The following ESRRG variants were observed in gnomAD, a reference collection of about 807,000 sequenced individuals.
ESRRG encodes the protein estrogen related receptor gamma.
In ESRRG, 13 loss-of-function variants were observed where a neutral mutation model predicts 44.0. The observed-to-expected ratio is 0.30, with a 90% CI of 0.19 to 0.47. The LOEUF (loss-of-function observed/expected upper bound fraction) is 0.47, where lower values mean the gene tolerates loss of function less well. Ranked by LOEUF, ESRRG falls within the 20% of genes least tolerant of loss-of-function variation. The pLI, the probability that ESRRG is intolerant of heterozygous loss-of-function variation, is 1.00. For missense variants in ESRRG, 395 were observed against 580.6 expected, an observed-to-expected ratio of 0.68 and a Z score of 3.29; for synonymous variants, 215 against 214.6, an observed-to-expected ratio of 1.00 and a Z score of -0.02.
chr1:216,615,194 G>A (rs2061250223), intron 3 of ESRRG, among the ~76,000 whole-genome samples: 2 of 152,162 alleles, frequency 1.3e-5, no homozygotes, highest in Non-Finnish European at 2.9e-5. Context: ...TGACTGAGGA[G>A]CTTTTTCAAA....
At chr1:216,861,827 G>A (rs1340340437) in intron 2 of ESRRG, among the ~76,000 whole-genome samples, 1 of 151,798 alleles carries the variant, frequency 6.6e-6, no homozygotes, top group Non-Finnish European at 1.5e-5. Context: ...AATACAGAAG[G>A]AACTATCAAA....
chr1:217,087,896 C>A (rs1023270848), intron 1 of ESRRG, among the ~76,000 whole-genome samples: 1 of 152,154 alleles, frequency 6.6e-6, no homozygotes. Flanking sequence ...AATGTCACTT[C>A]GTCTCCATCA....
At chr1:217,134,533 C>T (rs938435850) in intron 1 of ESRRG, among the ~76,000 whole-genome samples, 4 of 152,188 alleles carry the variant, frequency 2.6e-5, no homozygotes, top group Admixed American at 2.0e-4. Flanking sequence ...ATCCAAGACC[C>T]GAGGTTATTT....
chr1:216,759,797 T>C (rs2092670467), intron 2 of ESRRG, among the ~76,000 whole-genome samples: 1 of 152,128 alleles, frequency 6.6e-6, no homozygotes, highest in Non-Finnish European at 1.5e-5. Flanking sequence ...TCATACCTCA[T>C]TCATATCTCT....
chr1:216,587,386 T>C (rs1395520899), intron 3 of ESRRG, among the ~76,000 whole-genome samples: 1 of 152,162 alleles, frequency 6.6e-6, no homozygotes, highest in African/African-American at 2.4e-5. Flanking sequence ...AAAGAGTTAA[T>C]GAATTACAGA....
chr1:217,050,372 G>T (rs2085699169), intron 1 of ESRRG, among the ~76,000 whole-genome samples: 1 of 152,144 alleles, frequency 6.6e-6, no homozygotes, highest in Non-Finnish European at 1.5e-5. Flanking sequence ...TCTATTAGAT[G>T]GGATAGACCA....
upstream of ESRRG, among the ~76,000 whole-genome samples, chr1:217,090,961 A>G (rs1306354612): frequency 6.6e-6 from 1 of 152,208 alleles, no homozygotes; most frequent in Non-Finnish European, 1.5e-5. Context: ...GTGTGGCCAC[A>G]TGGCAGGTAA....
At chr1:216,597,717 A>G (rs1435307394) in intron 3 of ESRRG, among the ~76,000 whole-genome samples, 1 of 152,178 alleles carries the variant, frequency 6.6e-6, no homozygotes. Context: ...CTGAGATACT[A>G]CAAAATGTGA....
chr1:216,660,708 G>T lies in ESRRG; in HGVS notation c.473-9619C>A, dbSNP rs185819455. Among the ~76,000 whole-genome samples the T allele has an allele frequency of 2.0e-5, 3 of 152,308 alleles. No homozygotes were observed. The East Asian group carries it at 5.8e-4, about 29-fold the overall frequency. On this transcript the variant is annotated intron_variant, in intron 2 of 6. Transcript: ENST00000408911. Reference sequence around the variant, plus strand: ...AGGAGCCTGAGAGTGATAGGTTCAGGGTGGATCTTGGCATTGTCTTTTGCT... The same window carrying T: ...AGGAGCCTGAGAGTGATAGGTTCAGTGTGGATCTTGGCATTGTCTTTTGCT...
chr1:217,052,217 G>T (rs2086187251), intron 1 of ESRRG, among the ~76,000 whole-genome samples: 1 of 152,174 alleles, frequency 6.6e-6, no homozygotes, highest in African/African-American at 2.4e-5. Context: ...TTACACCTTG[G>T]ATTTTTAGAC....
intron 2 of ESRRG, among the ~76,000 whole-genome samples, chr1:216,847,891 A>T (rs1324880969): frequency 1.3e-5 from 2 of 152,124 alleles, no homozygotes; most frequent in Non-Finnish European, 2.9e-5. Flanking sequence ...CAGAAGAGGG[A>T]CACTCCATTC....
At chr1:216,758,268 T>C (rs1337740014) in intron 2 of ESRRG, among the ~76,000 whole-genome samples, 2 of 152,084 alleles carry the variant, frequency 1.3e-5, no homozygotes, top group African/African-American at 4.8e-5. Flanking sequence ...TTATCGCAAA[T>C]GAACAATCAT....
intron 2 of ESRRG, among the ~76,000 whole-genome samples, chr1:216,878,902 T>C (rs1398168235): frequency 6.6e-6 from 1 of 152,224 alleles, no homozygotes; most frequent in Non-Finnish European, 1.5e-5. Context: ...CGCATCGTAT[T>C]TATCCTTATA....
intron 1 of ESRRG, among the ~76,000 whole-genome samples, chr1:217,006,484 G>T (rs111979160): frequency 1.3e-5 from 2 of 152,180 alleles, no homozygotes; most frequent in Admixed American, 6.5e-5. Context: ...CTACAGTTAC[G>T]TTGGAACTGG....
chr1:216,680,563 C>T (rs1007082451), intron 1 of ESRRG, among the ~76,000 whole-genome samples: 5 of 152,188 alleles, frequency 3.3e-5, no homozygotes, highest in African/African-American at 1.2e-4. Context: ...GGGGCCACTG[C>T]GCTGGTTGGC....
intron 2 of ESRRG, among the ~76,000 whole-genome samples, chr1:216,868,828 C>A (rs934743005): frequency 6.6e-6 from 1 of 152,040 alleles, no homozygotes; most frequent in African/African-American, 2.4e-5. Flanking sequence ...TGGCATTGAA[C>A]GTCCTTTCAT....
chr1:217,041,356 C>T (rs1166862981), intron 1 of ESRRG, among the ~76,000 whole-genome samples: 3 of 152,130 alleles, frequency 2.0e-5, no homozygotes, highest in African/African-American at 7.2e-5. Context: ...ATCCTTTAAA[C>T]ATTCATAGCA....
intron 3 of ESRRG, among the ~76,000 whole-genome samples, chr1:216,637,002 T>C (rs578067175): frequency 1.1e-3 from 166 of 152,340 alleles, no homozygotes; most frequent in African/African-American, 3.9e-3. Flanking sequence ...TAATGACTGC[T>C]GGGGAGACCT....
chr1:217,066,864 A>G (rs985667282), intron 1 of ESRRG, among the ~76,000 whole-genome samples: 6 of 152,236 alleles, frequency 3.9e-5, no homozygotes, highest in African/African-American at 1.4e-4. Context: ...GAGAACCACT[A>G]GTCTGAGCCA....
Sources: allele counts gnomAD v4.1 joint callset (sites outside exome capture counted in the v4.1 genomes callset), GRCh38; gene constraint gnomAD v4.1.1; transcripts MANE v1.5; gene names NCBI Gene and HGNC (gene_info 2026-07-23, HGNC 2026-07-21).